The following MYO3B variants were observed in gnomAD, a reference collection of about 807,000 sequenced individuals.
The protein encoded by MYO3B is myosin IIIB, also known as myosin-IIIb.
In MYO3B, 156 loss-of-function variants were observed where a neutral mutation model predicts 174.6. The observed-to-expected ratio is 0.89, with a 90% CI of 0.78 to 1.02. The LOEUF is 1.02. MYO3B is among the 50% of genes least tolerant of loss of function. The probability of loss-of-function intolerance (pLI) is 0.00; values close to 1 mark genes in which losing one functional copy is unlikely to be tolerated. For synonymous variants in MYO3B, 563 were observed against 569.1 expected (o/e 0.99, Z 0.15); for missense variants, 1,632 against 1,639.4 (o/e 1.00, Z 0.08).
chr2:170,410,527 G>T (rs2094538724), intron 22 of MYO3B, among the ~76,000 whole-genome samples: 1 of 149,124 alleles, frequency 6.7e-6, no homozygotes. Context: ...GTTGCGGTGA[G>T]CCAAGACCAT....
Position 170,386,492 on chromosome 2 carries a change from A to C in MYO3B, c.1374+220A>C, listed in dbSNP as rs1325274895. Among the ~76,000 whole-genome samples, 5 of 152,298 alleles carry C rather than the reference A, an allele frequency of 3.3e-5. No homozygotes were observed. In the East Asian group the frequency reaches 5.8e-4, roughly 18 times the overall value. ...AATAATTCCAGCACAAATTTACTAG[A>C]TTATCGGCAATTAATTTTCATGTTT... On this transcript the variant is annotated intron_variant, in intron 13 of 34. Coordinates refer to ENST00000408978, the MANE Select transcript of MYO3B (RefSeq NM_138995.5).
At chr2:170,237,049 T>C (rs2093078133) in intron 7 of MYO3B, among the ~76,000 whole-genome samples, 1 of 152,222 alleles carries the variant, frequency 6.6e-6, no homozygotes, top group African/African-American at 2.4e-5. Context: ...TTATACCTAA[T>C]CCAGATGTGA....
chr2:170,407,688 A>G lies in MYO3B; in HGVS notation c.2521-27A>G, dbSNP rs1342666840. On this transcript the variant is annotated intron_variant, in intron 21 of 34. Coordinates refer to ENST00000408978, the MANE Select transcript of MYO3B (RefSeq NM_138995.5). The stretch of plus-strand genomic sequence containing the variant: ...CAATGACGGACAGTTGACTTGGCTA[A>G]TTTGCCGTTTGCTATTCATGTTACA... 3 of 1,607,804 alleles carry G rather than the reference A, an allele frequency of 1.9e-6. No homozygotes were observed. The South Asian group carries it at 3.3e-5, about 18-fold the overall frequency.
At chr2:170,499,903 C>A in intron 27 of MYO3B, 95 bp downstream of exon 27, 1 of 1,006,952 alleles carries the variant, frequency 9.9e-7, no homozygotes, top group Non-Finnish European at 1.4e-6. Flanking sequence ...AGTGGTTTCC[C>A]TCCCTCCCTT....
intron 1 of MYO3B, among the ~76,000 whole-genome samples, chr2:170,195,221 C>A (rs2092585429): frequency 6.6e-6 from 1 of 152,026 alleles, no homozygotes; most frequent in Non-Finnish European, 1.5e-5. Context: ...AAACCCATGG[C>A]TCCAGTGGGA....
At position 170,234,104 on chromosome 2, in the gene MYO3B, G is replaced by T. The variant is rs1197175810; in HGVS notation, c.604-1887G>T. On this transcript the variant is annotated intron_variant, in intron 6 of 34. Coordinates refer to ENST00000408978, the MANE Select transcript of MYO3B (RefSeq NM_138995.5). ...GAGAATGGCGTGAACCCAGGAGGCGGAGCTTGCAGTGAGCCGAGATCCCGC... is the reference window on the plus strand; with the variant it reads ...GAGAATGGCGTGAACCCAGGAGGCGTAGCTTGCAGTGAGCCGAGATCCCGC... Among the ~76,000 whole-genome samples, 10 of 136,358 alleles carry T rather than the reference G, an allele frequency of 7.3e-5. No individual in the cohort carries two copies. In the Admixed American group the frequency reaches 8.3e-4, roughly 11 times the overall value. 89.5% of individuals were successfully genotyped at this position (136,358 alleles called of 152,430 possible). A position where few individuals can be genotyped will look rare whatever the true frequency, so the allele number is the denominator to read the frequency against.
intron 22 of MYO3B, among the ~76,000 whole-genome samples, chr2:170,423,619 T>G (rs2094636470): frequency 7.1e-6 from 1 of 139,942 alleles, no homozygotes; most frequent in Non-Finnish European, 1.5e-5. Context: ...GAATTCACTC[T>G]CACCAGGCCA....
rs115587895 is a variant in MYO3B, at chr2:170,368,534, C to T, written c.816-688C>T. 1.9e-3 allele frequency among the ~76,000 whole-genome samples: 284 copies of T among 152,254 alleles called. 1 individual carries two copies. The highest frequency in any genetic ancestry group is 6.7e-3 in the African/African-American group (277 of 41,546). ...AATCTAAAACAGAAAGTAGTTATGCCGGTATGATTTTAACCAATTAACCAC... is the reference window on the plus strand; with the variant it reads ...AATCTAAAACAGAAAGTAGTTATGCTGGTATGATTTTAACCAATTAACCAC... On this transcript the variant is annotated intron_variant, in intron 8 of 34. Coordinates refer to ENST00000408978, the MANE Select transcript of MYO3B (RefSeq NM_138995.5).
At chr2:170,443,801 T>G (rs1009505932) in intron 22 of MYO3B, among the ~76,000 whole-genome samples, 166 bp from the exon 23 acceptor site, 7 of 151,578 alleles carry the variant, frequency 4.6e-5, no homozygotes, top group African/African-American at 1.7e-4. Context: ...ATTATTATAA[T>G]TTATAATTTA....
intron 8 of MYO3B, 33 bp downstream of exon 8, chr2:170,335,483 T>G (rs1014151173): frequency 1.3e-6 from 2 of 1,533,772 alleles, no homozygotes; most frequent in African/African-American, 2.7e-5. Context: ...ATTGCCCATC[T>G]AGCAAGGCCT....
intron 7 of MYO3B, among the ~76,000 whole-genome samples, chr2:170,313,166 G>T (rs1008547646): frequency 6.6e-6 from 1 of 152,098 alleles, no homozygotes; most frequent in African/African-American, 2.4e-5. Flanking sequence ...TTTGAAGTTG[G>T]CCTGCCTGGG....
At chr2:170,263,140 T>A (rs1319114859) in intron 7 of MYO3B, among the ~76,000 whole-genome samples, 1 of 152,198 alleles carries the variant, frequency 6.6e-6, no homozygotes, top group Non-Finnish European at 1.5e-5. Context: ...GCAGCTTAAA[T>A]AACAATTTGT....
At chr2:170,186,017 T>A (rs2092458414) in intron 1 of MYO3B, among the ~76,000 whole-genome samples, 1 of 152,144 alleles carries the variant, frequency 6.6e-6, no homozygotes, top group East Asian at 1.9e-4. Context: ...ATTTATCAGT[T>A]CTAGTAGTTT....
intron 1 of MYO3B, among the ~76,000 whole-genome samples, chr2:170,193,443 A>G (rs2092563933): frequency 1.3e-5 from 2 of 151,864 alleles, no homozygotes; most frequent in Admixed American, 1.3e-4. Context: ...ACTCTTGAAC[A>G]GTTTGTTTTA....
intron 16 of MYO3B, among the ~76,000 whole-genome samples, chr2:170,394,757 G>A (rs2094434596): frequency 6.6e-6 from 1 of 152,174 alleles, no homozygotes; most frequent in African/African-American, 2.4e-5. Context: ...TCTGAATTCT[G>A]TGGTTCTATC....
At chr2:170,501,221 T>G (rs1178650920) in intron 27 of MYO3B, among the ~76,000 whole-genome samples, 3 of 152,166 alleles carry the variant, frequency 2.0e-5, no homozygotes, top group Non-Finnish European at 4.4e-5. Context: ...GCCTTTTCCC[T>G]TCCCACTGCA....
chr2:170,473,139 C>CTTTTTTTTTTTT lies in MYO3B; in HGVS notation c.3014+6438_3014+6449dup, dbSNP rs66837903. ...TTCTTTTTCTTTTTCTTTTTCTTTT[C>CTTTTTTTTTTTT]TTTTTTTTTTTTTTTTTTTTTGAGA... is the stretch of plus-strand genomic sequence containing the variant. On this transcript the variant is annotated intron_variant, in intron 25 of 34. Coordinates refer to ENST00000408978, the MANE Select transcript of MYO3B (RefSeq NM_138995.5). 4.6e-3 allele frequency among the ~76,000 whole-genome samples: 439 copies of CTTTTTTTTTTTT among 96,468 alleles called. 2 individuals carry two copies. The highest frequency in any genetic ancestry group is 6.2e-3 in the Non-Finnish European group (290 of 47,004). 63.3% of individuals were successfully genotyped at this position (96,468 alleles called of 152,430 possible). A position where few individuals can be genotyped will look rare whatever the true frequency, so the allele number is the denominator to read the frequency against.
At chr2:170,381,940 T>A in intron 9 of MYO3B, 76 bp from the exon 10 acceptor site, 1 of 1,191,422 alleles carries the variant, frequency 8.4e-7, no homozygotes, top group Non-Finnish European at 1.2e-6. Flanking sequence ...AGATTGTGAA[T>A]GAGCCATGCT....
intron 14 of MYO3B, among the ~76,000 whole-genome samples, chr2:170,391,069 G>A (rs1401776613): frequency 6.6e-6 from 1 of 152,082 alleles, no homozygotes; most frequent in Non-Finnish European, 1.5e-5. Context: ...TTGGGAGAGT[G>A]AAAAACCTCA....
Sources: allele counts gnomAD v4.1 joint callset (sites outside exome capture counted in the v4.1 genomes callset), GRCh38; gene constraint gnomAD v4.1.1; transcripts MANE v1.5; gene names NCBI Gene and HGNC (gene_info 2026-07-23, HGNC 2026-07-21).